The following ZNF503 variants were observed in gnomAD, a reference collection of about 807,000 sequenced individuals.
ZNF503 encodes the protein NocA-like zinc finger 2.
ZNF503 carries 15 observed loss-of-function variants against 34.4 expected under a neutral mutation model. That is an observed-to-expected ratio of 0.44 (90% CI 0.29 to 0.67). The LOEUF is 0.67. Ranked by LOEUF, ZNF503 falls within the 30% of genes least tolerant of loss-of-function variation. ZNF503 has a pLI of 0.13. For missense variants in ZNF503, 1,007 were observed against 926.8 expected, an observed-to-expected ratio of 1.09 and a Z score of -1.12; for synonymous variants, 580 against 456.8, an observed-to-expected ratio of 1.27 and a Z score of -3.44.
At chr10:75,285,956 A>G in the ZNF503 span, among the ~76,000 whole-genome samples, 5 of 152,194 alleles carry the variant, frequency 3.3e-5, no homozygotes, top group African/African-American at 1.2e-4. Flanking sequence ...GGGTGGGCTC[A>G]GCCATAGGAA....
the ZNF503 span, among the ~76,000 whole-genome samples, chr10:75,329,737 A>G: frequency 6.6e-6 from 1 of 152,136 alleles, no homozygotes; most frequent in African/African-American, 2.4e-5. Context: ...TCTGCCTCCC[A>G]AAGTGCTGGG....
At chr10:75,373,347 G>C in the ZNF503 span, 3 of 152,232 alleles carry the variant, frequency 2.0e-5, no homozygotes, top group Non-Finnish European at 4.4e-5. Flanking sequence ...CACATTTGGG[G>C]TCATTTTCTC....
chr10:75,396,253 G>C (rs1018275829), downstream of ZNF503, among the ~76,000 whole-genome samples: 9 of 152,204 alleles, frequency 5.9e-5, no homozygotes, highest in Non-Finnish European at 8.8e-5. This position sits in a 1 kb window ranked among gnomAD's most constrained non-coding sequence, Gnocchi z 4.4. Flanking sequence ...GAGTGGGACC[G>C]GGGCCGCGGC....
the ZNF503 span, among the ~76,000 whole-genome samples, chr10:75,378,542 A>G: frequency 6.6e-6 from 1 of 152,050 alleles, no homozygotes; most frequent in Non-Finnish European, 1.5e-5. Context: ...CAGCCCAGGC[A>G]GCAGTGCCTC....
the ZNF503 span, among the ~76,000 whole-genome samples, chr10:75,377,653 A>G: frequency 8.6e-5 from 13 of 151,978 alleles, no homozygotes; most frequent in Non-Finnish European, 1.8e-4. Context: ...CCTCATTTCT[A>G]TCCAGGTTGA....
At chr10:75,303,606 T>C in the ZNF503 span, among the ~76,000 whole-genome samples, 8 of 152,312 alleles carry the variant, frequency 5.3e-5, no homozygotes, top group East Asian at 1.4e-3. Context: ...CTGGAGTGAG[T>C]AGACACTCTA....
chr10:75,361,627 C>T, the ZNF503 span: 1 of 152,226 alleles, frequency 6.6e-6, no homozygotes, highest in Admixed American at 6.5e-5. Context: ...ACAAGGAAAC[C>T]TGTACTCCTC....
At chr10:75,390,339 TCTTCCTCCTCCTTCACTTCCTTGTTCTTC>T in the ZNF503 span, among the ~76,000 whole-genome samples, 2 of 151,352 alleles carry the variant, frequency 1.3e-5, no homozygotes, top group East Asian at 1.9e-4. Context: ...CTTCCCCTCC[TCTTCCTCCTCCTTCACTTCCTTGTTCTTC>T]CTCCCTCCTC....
At chr10:75,322,436 T>A in the ZNF503 span, among the ~76,000 whole-genome samples, 1 of 152,168 alleles carries the variant, frequency 6.6e-6, no homozygotes, top group Non-Finnish European at 1.5e-5. Context: ...GCCAATTTTT[T>A]ATGCTTTCGT....
At chr10:75,346,879 C>G in the ZNF503 span, among the ~76,000 whole-genome samples, 11 of 151,144 alleles carry the variant, frequency 7.3e-5, no homozygotes, top group Admixed American at 1.3e-4. Context: ...TGGACTCAAG[C>G]GATCCTCCTG....
chr10:75,370,844 T>A, the ZNF503 span, among the ~76,000 whole-genome samples: 1 of 143,890 alleles, frequency 6.9e-6, no homozygotes, highest in South Asian at 2.3e-4. Context: ...GTGAGATACA[T>A]TGGAACTATT....
At chr10:75,335,526 C>A in the ZNF503 span, among the ~76,000 whole-genome samples, 1 of 152,134 alleles carries the variant, frequency 6.6e-6, no homozygotes, top group Non-Finnish European at 1.5e-5. Context: ...TTCTAAGAGA[C>A]CCCCAGGTGA....
the ZNF503 span, among the ~76,000 whole-genome samples, chr10:75,314,500 G>A: frequency 6.6e-6 from 1 of 152,008 alleles, no homozygotes; most frequent in Non-Finnish European, 1.5e-5. Flanking sequence ...CCAGTCAGAG[G>A]AGAAAAAAGA....
chr10:75,395,308 G>A (rs566170165), downstream of ZNF503, among the ~76,000 whole-genome samples: 1 of 152,238 alleles, frequency 6.6e-6, no homozygotes, highest in East Asian at 1.9e-4. The surrounding 1 kb of genome is among the most constrained non-coding windows in gnomAD (Gnocchi z 4.4). Flanking sequence ...GAGAAGAGCA[G>A]GGGAGACGGT....
Position 75,398,693 on chromosome 10 carries a change from T to C in ZNF503, c.*56A>G. ...CCTGGGCCGTGATCCCGCCTCTCCC[T>C]GGACTCCTCCCCTCCCCCTCTCCCT... On this transcript the variant is annotated 3_prime_UTR_variant, in exon 2 of 2. Transcript: ENST00000372524. The C allele has an allele frequency of 7.5e-7, 1 of 1,338,514 alleles. No individual in the cohort carries two copies. 82.9% of individuals were successfully genotyped at this position (1,338,514 alleles called of 1,614,324 possible).
At chr10:75,387,528 A>G in the ZNF503 span, among the ~76,000 whole-genome samples, 21 of 152,364 alleles carry the variant, frequency 1.4e-4, no homozygotes, top group East Asian at 1.2e-3. Context: ...ACTAAATGGT[A>G]TCGATAATCA....
At chr10:75,317,838 A>G in the ZNF503 span, among the ~76,000 whole-genome samples, 193 of 152,214 alleles carry the variant, frequency 1.3e-3, 1 homozygote, top group Admixed American at 0.013. Context: ...TCTACTAAAA[A>G]TACAAAAATT....
chr10:75,401,186 C>A lies in ZNF503; in HGVS notation c.234G>T (p.Lys78Asn), dbSNP rs781432010. 1 of 1,610,064 alleles carries A rather than the reference C, an allele frequency of 6.2e-7. No individual in the cohort carries two copies. The highest frequency in any genetic ancestry group is 1.7e-5 in the Admixed American group (1 of 59,690). ...TGTGGCCAGTTCGTGCCGTCAGCATCTTCAGCACCTTGATTGGCAGGCGGT... is the reference window on the plus strand; with the variant it reads ...TGTGGCCAGTTCGTGCCGTCAGCATATTCAGCACCTTGATTGGCAGGCGGT... Reference protein sequence around the residue: ...QANRLPIKVLKMLTARTGHIL... With the variant: ...QANRLPIKVLNMLTARTGHIL... Residue 78 changes from lysine to asparagine, a missense_variant, in exon 1 of 2, where the codon AAG becomes AAT. Physicochemically the swap from Lys to Asn is moderately conservative, Grantham distance 94. Transcript: ENST00000372524.
chr10:75,394,106 T>A (rs1253135131), downstream of ZNF503, among the ~76,000 whole-genome samples: 2 of 152,216 alleles, frequency 1.3e-5, no homozygotes, highest in Admixed American at 6.5e-5. Flanking sequence ...CAAGCCACTG[T>A]CTTTCCGCTG....
Sources: allele counts gnomAD v4.1 joint callset (sites outside exome capture counted in the v4.1 genomes callset), GRCh38; gene constraint gnomAD v4.1.1; non-coding constraint Gnocchi (gnomAD v3.1); transcripts MANE v1.5; gene names NCBI Gene and HGNC (gene_info 2026-07-23, HGNC 2026-07-21).